Variants in PACSIN2 observed in about 807,000 individuals in gnomAD.
PACSIN2 encodes the protein protein kinase C and casein kinase substrate in neurons protein 2.
In PACSIN2, 25 loss-of-function variants were observed where a neutral mutation model predicts 63.8. The ratio of observed to expected loss-of-function variants is 0.39; its 90% CI spans 0.29 to 0.55. The LOEUF (loss-of-function observed/expected upper bound fraction) is 0.55, where lower values mean the gene tolerates loss of function less well. PACSIN2 is among the 20% of genes least tolerant of loss of function. The pLI, the probability that PACSIN2 is intolerant of heterozygous loss-of-function variation, is 0.62. For synonymous variants in PACSIN2, 255 were observed against 256.2 expected, an observed-to-expected ratio of 1.00 and a Z score of 0.05; for missense variants, 518 against 646.9, an observed-to-expected ratio of 0.80 and a Z score of 2.16.
At chr22:43,009,149 C>T (rs1389938341) in intron 1 of PACSIN2, among the ~76,000 whole-genome samples, 1 of 152,150 alleles carries the variant, frequency 6.6e-6, no homozygotes, top group African/African-American at 2.4e-5. Flanking sequence ...ACCAAGGAAG[C>T]AAAACCTAAT....
chr22:42,953,578 T>C (rs1233196228), intron 1 of PACSIN2, among the ~76,000 whole-genome samples: 2 of 152,210 alleles, frequency 1.3e-5, no homozygotes, highest in Non-Finnish European at 2.9e-5. Flanking sequence ...TTATCTAGAA[T>C]GAGAGCTCTC....
At chr22:43,014,687 T>C (rs1924764870) in intron 1 of PACSIN2, among the ~76,000 whole-genome samples, 1 of 139,958 alleles carries the variant, frequency 7.1e-6, no homozygotes. Flanking sequence ...ACGGCCCTGC[T>C]CCTGCACTTC....
chr22:43,014,324 A>T (rs369679702), intron 1 of PACSIN2, among the ~76,000 whole-genome samples: 9 of 14,268 alleles, frequency 6.3e-4, no homozygotes, highest in East Asian at 7.7e-3. Flanking sequence ...CCCGCCCTAC[A>T]CACACACACA....
intron 1 of PACSIN2, among the ~76,000 whole-genome samples, chr22:42,947,493 C>T (rs1464353125): frequency 6.6e-6 from 1 of 152,114 alleles, no homozygotes; most frequent in Admixed American, 6.5e-5. Context: ...GTTTCAGAGG[C>T]TCTTCCCTAC....
chr22:42,899,465 G>A (rs1930522382), intron 2 of PACSIN2, among the ~76,000 whole-genome samples: 1 of 152,116 alleles, frequency 6.6e-6, no homozygotes, highest in Non-Finnish European at 1.5e-5. Flanking sequence ...CTGTATGTGG[G>A]TGCCCAGAGG....
chr22:42,969,315 A>G (rs7291588), intron 1 of PACSIN2, among the ~76,000 whole-genome samples: 1,859 of 152,316 alleles, frequency 0.012, 31 homozygotes, highest in African/African-American at 0.042. Context: ...TTTGTATTCT[A>G]TAAATGTATT....
At chr22:42,900,556 C>T (rs1023099135) in intron 2 of PACSIN2, among the ~76,000 whole-genome samples, 4 of 152,158 alleles carry the variant, frequency 2.6e-5, no homozygotes, top group South Asian at 2.1e-4. Flanking sequence ...ATCACAGAGG[C>T]GCAACCTTCC....
At chr22:42,876,386 GA>G in intron 9 of PACSIN2, 53 bp from the exon 10 acceptor site, 3 of 1,519,360 alleles carry the variant, frequency 2.0e-6, no homozygotes, top group Non-Finnish European at 2.7e-6. Context: ...CAGAGGGTGT[GA>G]GGCCCCCGCC....
At chr22:42,938,642 C>T (rs1194455659) in intron 1 of PACSIN2, among the ~76,000 whole-genome samples, 2 of 152,200 alleles carry the variant, frequency 1.3e-5, no homozygotes, top group Non-Finnish European at 2.9e-5. Context: ...TTAGGTTGCA[C>T]CATCTCCCTC....
chr22:43,012,168 T>C (rs1366439355), intron 1 of PACSIN2, among the ~76,000 whole-genome samples: 4 of 141,010 alleles, frequency 2.8e-5, no homozygotes, highest in Non-Finnish European at 6.1e-5. Flanking sequence ...CATACATACA[T>C]ACATACATAC....
chr22:42,918,936 G>C (rs1931984255), intron 1 of PACSIN2, among the ~76,000 whole-genome samples: 2 of 152,180 alleles, frequency 1.3e-5, no homozygotes, highest in Non-Finnish European at 1.5e-5. Context: ...AGAGGCTTCT[G>C]AGAGCGATTG....
chr22:42,980,440 A>C (rs986284143), intron 1 of PACSIN2, among the ~76,000 whole-genome samples: 1 of 151,154 alleles, frequency 6.6e-6, no homozygotes, highest in African/African-American at 2.4e-5. Flanking sequence ...CGACAGAGAG[A>C]GACCCTCCCT....
chr22:42,928,908 T>C (rs1932699780), intron 1 of PACSIN2, among the ~76,000 whole-genome samples: 1 of 152,254 alleles, frequency 6.6e-6, no homozygotes, highest in South Asian at 2.1e-4. Context: ...GGCAAGTCCC[T>C]TATCTTCTCA....
chr22:43,006,963 G>C (rs918007501), intron 1 of PACSIN2, among the ~76,000 whole-genome samples: 1 of 152,134 alleles, frequency 6.6e-6, no homozygotes, highest in African/African-American at 2.4e-5. Flanking sequence ...CTGCTTCCTA[G>C]GAACACAGAT....
intron 1 of PACSIN2, among the ~76,000 whole-genome samples, chr22:42,912,984 C>T (rs951451652): frequency 6.6e-6 from 1 of 152,214 alleles, no homozygotes; most frequent in Non-Finnish European, 1.5e-5. Context: ...CAACAAGGCA[C>T]AAGACTTTGT....
intron 6 of PACSIN2, among the ~76,000 whole-genome samples, chr22:42,883,801 C>T (rs4822219): frequency 0.39 from 58,753 of 152,018 alleles, 11,950 homozygotes; most frequent in Non-Finnish European, 0.45. Context: ...GTCAAGAGAT[C>T]GAGACCATCC....
chr22:42,975,674 G>A (rs1296313641), intron 1 of PACSIN2, among the ~76,000 whole-genome samples: 32 of 144,032 alleles, frequency 2.2e-4, no homozygotes, highest in African/African-American at 7.7e-4. Context: ...AAAAAAAGGT[G>A]CAGGAATGAT....
chr22:42,988,580 C>T (rs953458865), intron 1 of PACSIN2, among the ~76,000 whole-genome samples: 3 of 152,176 alleles, frequency 2.0e-5, no homozygotes, highest in African/African-American at 7.2e-5. Flanking sequence ...TACAGCAGCT[C>T]GGGAAGAAAA....
chr22:42,903,288 T>A (rs1076117), intron 2 of PACSIN2, among the ~76,000 whole-genome samples: 66,444 of 152,082 alleles, frequency 0.44, 15,065 homozygotes, highest in Non-Finnish European at 0.48. Context: ...AGATGTTGTA[T>A]CCTGTACACA....
Sources: gnomAD v4.1 joint callset for allele counts (sites outside exome capture counted in the v4.1 genomes callset) on GRCh38, gnomAD v4.1.1 for gene constraint, MANE v1.5 for transcripts, NCBI Gene and HGNC (gene_info 2026-07-23, HGNC 2026-07-21) for gene names.